The following DENND1B variants were observed in gnomAD, a reference collection of about 807,000 sequenced individuals.
DENND1B encodes DENN domain-containing protein 1B.
DENND1B carries 59 observed loss-of-function variants against 90.1 expected under a neutral mutation model. That is an observed-to-expected ratio of 0.65 (90% CI 0.53 to 0.81). The LOEUF is 0.81. Ranked by LOEUF, DENND1B falls within the 40% of genes least tolerant of loss-of-function variation. The pLI is 0.00. For missense variants in DENND1B, 862 were observed against 912.6 expected (o/e 0.94, Z 0.71); for synonymous variants, 337 against 324.6 (o/e 1.04, Z -0.41).
intron 2 of DENND1B, among the ~76,000 whole-genome samples, chr1:197,771,801 C>CTTA (rs1649466457): frequency 6.6e-6 from 1 of 152,104 alleles, no homozygotes. Context: ...AAGCACACAG[C>CTTA]AAGTAAAGAC....
chr1:197,574,753 A>C (rs1673504283), intron 15 of DENND1B, among the ~76,000 whole-genome samples: 1 of 152,216 alleles, frequency 6.6e-6, no homozygotes, highest in Non-Finnish European at 1.5e-5. Context: ...GATATAGGCC[A>C]ATGGAACAGA....
chr1:197,674,350 CA>C (rs1481224108), intron 3 of DENND1B, among the ~76,000 whole-genome samples, 181 bp from the exon 4 acceptor site: 4 of 152,144 alleles, frequency 2.6e-5, no homozygotes. Flanking sequence ...TGTGCTTTGG[CA>C]GATTGCACTG....
chr1:197,525,440 T>C (rs1669072620), intron 20 of DENND1B, among the ~76,000 whole-genome samples: 1 of 152,114 alleles, frequency 6.6e-6, no homozygotes, highest in East Asian at 1.9e-4. Context: ...ATTTCACTTT[T>C]GTTGACAGGG....
intron 13 of DENND1B, among the ~76,000 whole-genome samples, chr1:197,604,284 C>A (rs780726262): frequency 7.3e-5 from 11 of 150,946 alleles, no homozygotes; most frequent in Non-Finnish European, 1.2e-4. Context: ...AGAGGTTTTC[C>A]CCCTCCCTTA....
At chr1:197,600,175 G>A (rs781322136) in intron 13 of DENND1B, among the ~76,000 whole-genome samples, 11 of 151,728 alleles carry the variant, frequency 7.2e-5, no homozygotes, top group African/African-American at 1.2e-4. Context: ...CTGAGAGTGC[G>A]GACTAGTAAA....
intron 2 of DENND1B, chr1:197,747,303 C>A: frequency 1.7e-6 from 1 of 597,266 alleles, no homozygotes; most frequent in Non-Finnish European, 3.1e-6. Context: ...GTTCATCTAT[C>A]GAGAATCTAT....
At chr1:197,576,127 A>T (rs1673663060) in intron 15 of DENND1B, among the ~76,000 whole-genome samples, 1 of 152,200 alleles carries the variant, frequency 6.6e-6, no homozygotes, top group Non-Finnish European at 1.5e-5. Context: ...TCTAAAGAAT[A>T]GAAAAGACAG....
chr1:197,681,960 T>C (rs1057143563), intron 3 of DENND1B, among the ~76,000 whole-genome samples: 1 of 150,308 alleles, frequency 6.7e-6, no homozygotes, highest in Admixed American at 6.6e-5. Flanking sequence ...TTGGTTTTTT[T>C]GTTTTTGTTT....
intron 2 of DENND1B, among the ~76,000 whole-genome samples, chr1:197,720,236 A>C (rs893657570): frequency 6.6e-6 from 1 of 152,002 alleles, no homozygotes; most frequent in South Asian, 2.1e-4. Context: ...CAAACTCATT[A>C]ATTATTGTAA....
At position 197,707,421 on chromosome 1, in the gene DENND1B, T is replaced by C. The variant is rs1014492664; in HGVS notation, c.126+7610A>G. ...TTTCAAATAGCTAGAAGAGCAGATTTTGAATAATCCCAGTGAAAGAAATGA... is the reference window on the plus strand; with the variant it reads ...TTTCAAATAGCTAGAAGAGCAGATTCTGAATAATCCCAGTGAAAGAAATGA... On this transcript the variant is annotated intron_variant, in intron 3 of 22. Coordinates refer to ENST00000620048, the MANE Select transcript of DENND1B (RefSeq NM_001195215.2). Among the ~76,000 whole-genome samples the C allele has an allele frequency of 7.9e-5, 12 of 151,804 alleles. No individual in the cohort carries two copies. In the South Asian group the frequency reaches 1.5e-3, roughly 18 times the overall value.
At chr1:197,599,488 C>CTATA (rs1397917945) in intron 13 of DENND1B, among the ~76,000 whole-genome samples, 1 of 151,778 alleles carries the variant, frequency 6.6e-6, no homozygotes, top group Non-Finnish European at 1.5e-5. Context: ...TATTTCCTTT[C>CTATA]ATATAACTAA....
intron 5 of DENND1B, among the ~76,000 whole-genome samples, chr1:197,659,037 AT>A (rs1654137971): frequency 6.6e-6 from 1 of 151,074 alleles, no homozygotes; most frequent in Non-Finnish European, 1.5e-5. Context: ...TTAAAATAGT[AT>A]ATTTTTTAAT....
In DENND1B at chr1:197,612,218, G is replaced by A. The variant is rs534627121; in HGVS notation, c.774-242C>T. 5.3e-5 allele frequency among the ~76,000 whole-genome samples: 8 copies of A among 150,426 alleles called. No individual in the cohort carries two copies. In the South Asian group the frequency reaches 1.5e-3, roughly 27 times the overall value. On this transcript the variant is annotated intron_variant, in intron 11 of 22. Coordinates refer to ENST00000620048, the MANE Select transcript of DENND1B (RefSeq NM_001195215.2). The stretch of plus-strand genomic sequence containing the variant: ...ATAAAATCATTTATAATTTAATCAA[G>A]AGTTATAATGCCTAAAAAGTTTGTT...
Position 197,695,523 on chromosome 1 carries a change from ATT to A in DENND1B, c.126+19506_126+19507del, listed in dbSNP as rs538921747. ...TATTTAATTAAACATTAAGAAATCA[ATT>A]TGTTTTAGAAATACGAGTTTATATA... On this transcript the variant is annotated intron_variant, in intron 3 of 22. Coordinates refer to ENST00000620048, the MANE Select transcript of DENND1B (RefSeq NM_001195215.2). Among the ~76,000 whole-genome samples the A allele has an allele frequency of 4.7e-4, 71 of 151,170 alleles. No homozygotes were observed. The East Asian group carries it at 0.01, about 22-fold the overall frequency.
intron 15 of DENND1B, among the ~76,000 whole-genome samples, chr1:197,558,188 T>C (rs967514968): frequency 1.3e-5 from 2 of 151,754 alleles, no homozygotes; most frequent in African/African-American, 2.4e-5. Flanking sequence ...AATATTTTTC[T>C]TTTTATTCCA....
intron 3 of DENND1B, among the ~76,000 whole-genome samples, chr1:197,707,080 A>T (rs1659613432): frequency 6.6e-6 from 1 of 152,132 alleles, no homozygotes; most frequent in South Asian, 2.1e-4. Context: ...ATTCAACTAT[A>T]AAAAAAGAAC....
In DENND1B at chr1:197,545,780, T is replaced by C. The variant is rs1291014725; in HGVS notation, c.1350+142A>G. 8 of 636,276 alleles carry C rather than the reference T, an allele frequency of 1.3e-5. No homozygotes were observed. In the East Asian group the frequency reaches 2.5e-4, roughly 20 times the overall value. The allele number at this position is 636,276 out of a possible 1,614,324, so 39.4% of individuals were successfully genotyped here. ...ATGTTATAATTTTAACAATTGAATT[T>C]GCTTTGGTCAATATTAATCCTAATT... On this transcript the variant is annotated intron_variant, in intron 18 of 22. Transcript: ENST00000620048.
intron 18 of DENND1B, among the ~76,000 whole-genome samples, chr1:197,545,106 T>C (rs1395701835): frequency 6.7e-6 from 1 of 150,140 alleles, no homozygotes; most frequent in Non-Finnish European, 1.5e-5. Context: ...TTAAGAAAGT[T>C]TAAGAATTTC....
intron 2 of DENND1B, among the ~76,000 whole-genome samples, chr1:197,740,307 G>C (rs1663097041): frequency 6.6e-6 from 1 of 152,132 alleles, no homozygotes; most frequent in African/African-American, 2.4e-5. Context: ...AGGGAGAAAA[G>C]TGGGAAAGGA....
Sources: gnomAD v4.1 joint callset for allele counts (sites outside exome capture counted in the v4.1 genomes callset) on GRCh38, gnomAD v4.1.1 for gene constraint, MANE v1.5 for transcripts, NCBI Gene and HGNC (gene_info 2026-07-23, HGNC 2026-07-21) for gene names.